Variants in COL28A1 observed in about 807,000 individuals in gnomAD.
COL28A1 encodes the protein collagen alpha-1(XXVIII) chain.
In COL28A1, 161 loss-of-function variants were observed where a neutral mutation model predicts 150.2. That is an observed-to-expected ratio of 1.07 (90% CI 0.94 to 1.22). The LOEUF is 1.22. Ranked by LOEUF, COL28A1 falls within the 50% of genes most tolerant of loss-of-function variation. The probability of loss-of-function intolerance (pLI) is 0.00; values close to 1 mark genes in which losing one functional copy is unlikely to be tolerated. For synonymous variants in COL28A1, 552 were observed against 469.7 expected (o/e 1.18, Z -2.26); for missense variants, 1,617 against 1,388.3 (o/e 1.16, Z -2.62).
intron 10 of COL28A1, 114 bp downstream of exon 10, chr7:7,507,003 C>T (rs1487916672): frequency 1.5e-6 from 1 of 653,376 alleles, no homozygotes; most frequent in Non-Finnish European, 2.7e-6. Context: ...TGCCTGGCTT[C>T]AATCCCCAGA....
chr7:7,385,406 C>A (rs1419027746), intron 27 of COL28A1, among the ~76,000 whole-genome samples: 1 of 152,122 alleles, frequency 6.6e-6, no homozygotes, highest in African/African-American at 2.4e-5. Context: ...CCTGAAAGGA[C>A]AGAACAGTGT....
Position 7,373,200 on chromosome 7 carries a change from G to A in COL28A1, c.2706C>T (p.Ile902=). The A allele has an allele frequency of 1.2e-6, 2 of 1,614,162 alleles. No individual in the cohort carries two copies. Among genetic ancestry groups the A allele is most frequent in the Non-Finnish European group, 1.7e-6 (2 of 1,180,044 alleles). ...CACGAGAATCTGTCTGTCCATCAGTGATGACCAAGGCCACTTTTTTTACAC... is the reference window on the plus strand; with the variant it reads ...CACGAGAATCTGTCTGTCCATCAGTAATGACCAAGGCCACTTTTTTTACAC... The part of the protein sequence containing the change: ...RPGVKKVALV[I]TDGQTDSRDK... Residue 902 remains isoleucine (I), a synonymous_variant, in exon 32 of 35, where the codon ATC becomes ATT. Coordinates refer to ENST00000399429, the MANE Select transcript of COL28A1 (RefSeq NM_001037763.3). This position sits in a 1 kb window ranked among gnomAD's most constrained non-coding sequence, Gnocchi z 4.1.
Position 7,432,546 on chromosome 7 carries a change from G to A in COL28A1, c.1930-5C>T. ...TCCTGGTAATCCACGAGGTCCCTGA[G>A]ATGACACAGTAAGGGAGGGAGTGAG... On this transcript the variant is annotated splice_region_variant and splice_polypyrimidine_tract_variant and intron_variant, in intron 24 of 34. Transcript: ENST00000399429. The A allele has an allele frequency of 1.2e-6, 2 of 1,613,842 alleles. No individual in the cohort carries two copies. Among genetic ancestry groups the A allele is most frequent in the African/African-American group, 1.3e-5 (1 of 75,008 alleles).
At chr7:7,345,632 C>T in the COL28A1 span, among the ~76,000 whole-genome samples, 1 of 151,988 alleles carries the variant, frequency 6.6e-6, no homozygotes, top group East Asian at 1.9e-4. Flanking sequence ...TCCATCTTGA[C>T]AGGTATTTGT....
intron 27 of COL28A1, among the ~76,000 whole-genome samples, chr7:7,416,099 G>T (rs529709035): frequency 6.6e-6 from 1 of 152,186 alleles, no homozygotes; most frequent in Non-Finnish European, 1.5e-5. Context: ...CACTGCACCC[G>T]GCCTAGAGAA....
chr7:7,486,879 A>G (rs972893939), intron 13 of COL28A1, among the ~76,000 whole-genome samples: 3 of 152,276 alleles, frequency 2.0e-5, no homozygotes, highest in South Asian at 2.1e-4. Flanking sequence ...TATATTCACA[A>G]GGGATATTGG....
chr7:7,379,234 GGAGCCTAACACA>G (rs1469018299), intron 30 of COL28A1, among the ~76,000 whole-genome samples: 2 of 152,138 alleles, frequency 1.3e-5, no homozygotes, highest in African/African-American at 2.4e-5. Context: ...CTGATGTACA[GGAGCCTAACACA>G]GAGCCTGTCA....
chr7:7,360,747 T>G (rs1291693647), intron 33 of COL28A1, among the ~76,000 whole-genome samples: 1 of 152,086 alleles, frequency 6.6e-6, no homozygotes. Flanking sequence ...TTGGTGTGGG[T>G]GTATTTCTGT....
At chr7:7,414,457 G>A (rs537242650) in intron 27 of COL28A1, among the ~76,000 whole-genome samples, 1 of 152,348 alleles carries the variant, frequency 6.6e-6, no homozygotes, top group South Asian at 2.1e-4. Flanking sequence ...TTCCACTTCA[G>A]GGCAGAGCCA....
intron 34 of COL28A1, among the ~76,000 whole-genome samples, chr7:7,359,536 G>C (rs1780524982): frequency 6.6e-6 from 1 of 152,014 alleles, no homozygotes; most frequent in South Asian, 2.1e-4. Flanking sequence ...TGGTACTCTG[G>C]AGTGCCTTGA....
intron 14 of COL28A1, among the ~76,000 whole-genome samples, chr7:7,476,567 G>T (rs1337324291): frequency 7.2e-5 from 11 of 152,152 alleles, no homozygotes; most frequent in Admixed American, 7.2e-4. Context: ...CCCCTTTACA[G>T]AAAAAGTTTG....
chr7:7,378,315 CTA>C (rs1252588194), intron 30 of COL28A1, among the ~76,000 whole-genome samples: 1 of 152,124 alleles, frequency 6.6e-6, no homozygotes, highest in East Asian at 1.9e-4. Context: ...TTTTCATTCA[CTA>C]TATGCTTTCA....
rs764132774 is a variant in COL28A1 at position 7,375,491 on chromosome 7, C to A, written c.2329G>T (p.Glu777Ter). 2.6e-6 allele frequency: 4 copies of A among 1,559,086 alleles called. No individual in the cohort carries two copies. Among genetic ancestry groups the A allele is most frequent in the South Asian group, 2.3e-5 (2 of 87,024 alleles). The change falls in exon 31 of 35, where the codon GAA becomes TAA. Residue 777 changes from glutamate (E) to a stop codon, truncating the protein, a stop_gained. Transcript: ENST00000399429. LOFTEE classifies it high-confidence loss of function. ...ATTTCTGTAATAAGTTTGATAATTTCTTCTTTCTAGGGGATAAAAAGAAAA... is the reference window on the plus strand; with the variant it reads ...ATTTCTGTAATAAGTTTGATAATTTATTCTTTCTAGGGGATAAAAAGAAAA... Reference protein sequence around the residue: ...PKGDLGLTKEEIIKLITEICG... With the variant: ...PKGDLGLTKE
chr7:7,370,401 C>T (rs1781162283), intron 33 of COL28A1, among the ~76,000 whole-genome samples: 1 of 152,192 alleles, frequency 6.6e-6, no homozygotes, highest in East Asian at 1.9e-4. Context: ...CACAGCATGG[C>T]AACTAGGTGA....
intron 4 of COL28A1, among the ~76,000 whole-genome samples, chr7:7,522,416 T>C (rs1269998172): frequency 6.6e-6 from 1 of 152,150 alleles, no homozygotes; most frequent in Non-Finnish European, 1.5e-5. Context: ...AACATTTGAC[T>C]TATAGCATAT....
At chr7:7,419,242 C>G (rs1009108079) in intron 26 of COL28A1, among the ~76,000 whole-genome samples, 4 of 152,196 alleles carry the variant, frequency 2.6e-5, no homozygotes, top group Non-Finnish European at 5.9e-5. Flanking sequence ...GGGAGGCTGT[C>G]CTGGGCATTG....
At chr7:7,410,898 T>C (rs148818111) in intron 27 of COL28A1, among the ~76,000 whole-genome samples, 55 of 152,284 alleles carry the variant, frequency 3.6e-4, no homozygotes, top group African/African-American at 1.3e-3. Flanking sequence ...ATGAGATTCC[T>C]TTTTCCCCCT....
chr7:7,535,097 A>G (rs1405583396), intron 1 of COL28A1, among the ~76,000 whole-genome samples: 2 of 152,130 alleles, frequency 1.3e-5, no homozygotes, highest in Non-Finnish European at 2.9e-5. Context: ...CGTACAAGCA[A>G]AATAGGTTTC....
intron 27 of COL28A1, among the ~76,000 whole-genome samples, chr7:7,406,891 T>C (rs1783521360): frequency 3.3e-5 from 5 of 152,190 alleles, no homozygotes; most frequent in Admixed American, 2.0e-4. Context: ...AAAAATATTA[T>C]AGGAATACCT....
Sources: allele counts gnomAD v4.1 joint callset (sites outside exome capture counted in the v4.1 genomes callset), GRCh38; gene constraint gnomAD v4.1.1; non-coding constraint Gnocchi (gnomAD v3.1); transcripts MANE v1.5; gene names NCBI Gene and HGNC (gene_info 2026-07-23, HGNC 2026-07-21).